Variants in DGKB observed in about 807,000 individuals in gnomAD.
DGKB encodes 90 kDa diacylglycerol kinase.
In DGKB, 67 loss-of-function variants were observed where a neutral mutation model predicts 114.3. The ratio of observed to expected loss-of-function variants is 0.59; its 90% confidence interval spans 0.48 to 0.72. The LOEUF (loss-of-function observed/expected upper bound fraction) is 0.72, where lower values mean the gene tolerates loss of function less well. Ranked by LOEUF, DGKB falls within the 30% of genes least tolerant of loss-of-function variation. The pLI, the probability that DGKB is intolerant of heterozygous loss-of-function variation, is 0.00. For synonymous variants in DGKB, 398 were observed against 323.1 expected, an observed-to-expected ratio of 1.23 and a Z score of -2.49; for missense variants, 907 against 975.2, an observed-to-expected ratio of 0.93 and a Z score of 0.93.
intron 21 of DGKB, among the ~76,000 whole-genome samples, chr7:14,469,896 C>T (rs12334057): frequency 0.073 from 11,025 of 151,484 alleles, 1,250 homozygotes; most frequent in African/African-American, 0.24. Context: ...ATATATAAAT[C>T]GATGCATCAC....
chr7:14,884,858 A>G (rs886092762), intron 1 of DGKB, among the ~76,000 whole-genome samples: 4 of 151,990 alleles, frequency 2.6e-5, no homozygotes, highest in African/African-American at 7.2e-5. Context: ...TTAAGAAGCC[A>G]ATGATTAGAT....
intron 17 of DGKB, among the ~76,000 whole-genome samples, chr7:14,586,728 C>T (rs929910899): frequency 3.3e-5 from 5 of 151,882 alleles, no homozygotes; most frequent in Non-Finnish European, 7.4e-5. Context: ...TCCTAGGGCC[C>T]CTAAGAATTA....
chr7:14,649,312 C>G (rs960013635), intron 13 of DGKB, among the ~76,000 whole-genome samples: 1 of 151,772 alleles, frequency 6.6e-6, no homozygotes, highest in Non-Finnish European at 1.5e-5. Context: ...AGAAACCCCA[C>G]AAGCCAGAAG....
chr7:14,752,583 C>T (rs1525092), intron 4 of DGKB, among the ~76,000 whole-genome samples: 54,123 of 152,006 alleles, frequency 0.36, 13,341 homozygotes, highest in African/African-American at 0.69. Flanking sequence ...TCCCCTTGAA[C>T]ACCCTCAGTT....
At chr7:14,794,775 G>T (rs906942539) in intron 2 of DGKB, among the ~76,000 whole-genome samples, 4 of 152,066 alleles carry the variant, frequency 2.6e-5, no homozygotes, top group Admixed American at 1.3e-4. Flanking sequence ...GGAACACGTG[G>T]GATAGATCCT....
intron 1 of DGKB, among the ~76,000 whole-genome samples, chr7:14,887,998 G>A (rs1209119367): frequency 6.6e-6 from 1 of 151,726 alleles, no homozygotes; most frequent in Admixed American, 6.6e-5. Flanking sequence ...TTGAATGGGA[G>A]TTATTAAATG....
chr7:14,602,389 G>A (rs967182916), intron 17 of DGKB, among the ~76,000 whole-genome samples: 10 of 152,114 alleles, frequency 6.6e-5, no homozygotes, highest in African/African-American at 2.2e-4. Flanking sequence ...AATTTTGGGG[G>A]ACCCAATCCA....
At position 14,440,480 on chromosome 7, in the gene DGKB, A is replaced by G. The variant is rs62443280; in HGVS notation, c.1835+37681T>C. ...ATGACCCTCATTCTTTCGGCCTTCA[A>G]TAAATAAAGGTATGTATTTATTTTG... On this transcript the variant is annotated intron_variant, in intron 21 of 25. Coordinates refer to ENST00000402815, the MANE Select transcript of DGKB (RefSeq NM_001350709.2). 5.3e-3 allele frequency among the ~76,000 whole-genome samples: 804 copies of G among 152,230 alleles called. 5 individuals carry two copies. Among genetic ancestry groups the G allele is most frequent in the Middle Eastern group, 0.017 (5 of 294 alleles).
chr7:14,267,021 G>T (rs1330820233), intron 23 of DGKB, among the ~76,000 whole-genome samples: 1 of 152,116 alleles, frequency 6.6e-6, no homozygotes, highest in Admixed American at 6.6e-5. Flanking sequence ...TCCCCCTAGA[G>T]ATGTCTATGA....
chr7:14,377,753 C>A (rs1016048015), intron 21 of DGKB, among the ~76,000 whole-genome samples: 1 of 152,110 alleles, frequency 6.6e-6, no homozygotes, highest in South Asian at 2.1e-4. Flanking sequence ...CTTACTTTGG[C>A]TAGATCACTT....
rs73280912 is a variant in DGKB, at chr7:14,420,657, A to G, written c.1835+57504T>C. 9.0e-3 allele frequency among the ~76,000 whole-genome samples: 1,376 copies of G among 152,202 alleles called. 24 individuals are homozygous for G. The highest frequency in any genetic ancestry group is 0.032 in the African/African-American group (1,320 of 41,542). On this transcript the variant is annotated intron_variant, in intron 21 of 25. Coordinates refer to ENST00000402815, the MANE Select transcript of DGKB (RefSeq NM_001350709.2). ...CTCAGAAGCTTCAGTTTCTTTGGAA[A>G]TTATTATAGACACGGACTACTGCAT...
intron 23 of DGKB, among the ~76,000 whole-genome samples, chr7:14,257,884 G>C (rs1443984325): frequency 6.6e-6 from 1 of 152,006 alleles, no homozygotes. Flanking sequence ...CCACCACCAT[G>C]CTCGGCTAAT....
chr7:14,453,121 C>T (rs1831772817), intron 21 of DGKB, among the ~76,000 whole-genome samples: 2 of 152,120 alleles, frequency 1.3e-5, no homozygotes, highest in Admixed American at 6.6e-5. Context: ...AACTCATTTA[C>T]TCTTTTGTAC....
chr7:14,601,959 C>T (rs2128766341), intron 17 of DGKB, among the ~76,000 whole-genome samples: 1 of 152,030 alleles, frequency 6.6e-6, no homozygotes, highest in Non-Finnish European at 1.5e-5. Flanking sequence ...TCCTCCTCCT[C>T]TACCTCCTCT....
chr7:14,353,829 T>G (rs1412911569), intron 21 of DGKB, among the ~76,000 whole-genome samples: 2 of 152,232 alleles, frequency 1.3e-5, no homozygotes, highest in African/African-American at 4.8e-5. Context: ...TTGCTTGTTT[T>G]TATCTTGTGC....
Position 14,450,390 on chromosome 7 carries a change from G to A in DGKB, c.1835+27771C>T, listed in dbSNP as rs549687859. Among the ~76,000 whole-genome samples, 3 of 152,198 alleles carry A rather than the reference G, an allele frequency of 2.0e-5. No homozygotes were observed. The South Asian group carries it at 6.2e-4, about 32-fold the overall frequency. Reference sequence around the variant, plus strand: ...GCAGAGATTTCAGATCAACAGACAAGTCCCAGAGGACTGAGGACAAAATAA... The same window carrying A: ...GCAGAGATTTCAGATCAACAGACAAATCCCAGAGGACTGAGGACAAAATAA... On this transcript the variant is annotated intron_variant, in intron 21 of 25. Coordinates refer to ENST00000402815, the MANE Select transcript of DGKB (RefSeq NM_001350709.2).
intron 20 of DGKB, among the ~76,000 whole-genome samples, chr7:14,529,245 G>T (rs960731182): frequency 6.6e-6 from 1 of 151,938 alleles, no homozygotes; most frequent in Non-Finnish European, 1.5e-5. Flanking sequence ...GAAATTTCCT[G>T]AAGAAATACA....
chr7:14,389,841 C>G (rs950257549), intron 21 of DGKB, among the ~76,000 whole-genome samples: 1 of 152,160 alleles, frequency 6.6e-6, no homozygotes, highest in Non-Finnish European at 1.5e-5. Flanking sequence ...TTGGGACTAG[C>G]CTATAATCCT....
At chr7:14,952,000 T>C (rs1046721485) in intron 1 of DGKB, among the ~76,000 whole-genome samples, 6 of 152,184 alleles carry the variant, frequency 3.9e-5, no homozygotes, top group Admixed American at 2.6e-4. Context: ...GTACTTTTAA[T>C]AGGTGAACTT....
Sources: gnomAD v4.1 joint callset for allele counts (sites outside exome capture counted in the v4.1 genomes callset) on GRCh38, gnomAD v4.1.1 for gene constraint, MANE v1.5 for transcripts, NCBI Gene and HGNC (gene_info 2026-07-23, HGNC 2026-07-21) for gene names.